Variants in SLC16A9 observed in about 807,000 individuals in gnomAD.
SLC16A9 encodes the protein solute carrier family 16 member 9, also known as monocarboxylate transporter 9.
Under a neutral mutation model 44.3 loss-of-function variants are expected in SLC16A9, and 26 were observed. That is an observed-to-expected ratio of 0.59 (90% CI 0.43 to 0.81). The LOEUF is 0.81. Among genes scored for constraint, SLC16A9 ranks in the 40% least tolerant of loss-of-function variants. The pLI, the probability that SLC16A9 is intolerant of heterozygous loss-of-function variation, is 0.00. For synonymous variants in SLC16A9, 230 were observed against 225.1 expected (o/e 1.02, Z -0.19); for missense variants, 559 against 595.8 (o/e 0.94, Z 0.64).
At chr10:59,685,373 G>C (rs11006689) in intron 1 of SLC16A9, among the ~76,000 whole-genome samples, 2 of 152,134 alleles carry the variant, frequency 1.3e-5, no homozygotes, top group African/African-American at 4.8e-5. Context: ...TCCCATCTAA[G>C]CCTTATCTCC....
chr10:59,681,623 TG>T lies in SLC16A9; in HGVS notation c.196+2472del, dbSNP rs1458534147. Among the ~76,000 whole-genome samples the T allele has an allele frequency of 3.8e-4, 26 of 68,008 alleles. 7 individuals carry two copies. Among genetic ancestry groups the T allele is most frequent in the African/African-American group, 1.4e-3 (25 of 17,748 alleles). The allele number at this position is 68,008 out of a possible 152,430, so 44.6% of individuals were successfully genotyped here. ...ATGTATATGTATATGTATATGTATA[TG>T]ATGTATATGTATATGTGTATGTGTA... On this transcript the variant is annotated intron_variant, in intron 2 of 5. Coordinates refer to ENST00000395348, the MANE Select transcript of SLC16A9 (RefSeq NM_194298.3).
chr10:59,682,495 C>CT (rs2132487835), intron 2 of SLC16A9, among the ~76,000 whole-genome samples: 1 of 152,214 alleles, frequency 6.6e-6, no homozygotes, highest in East Asian at 1.9e-4. Context: ...AATGCCCATC[C>CT]TTAAGGAGAT....
chr10:59,665,067 A>G (rs539383303), intron 3 of SLC16A9, among the ~76,000 whole-genome samples: 1 of 152,316 alleles, frequency 6.6e-6, no homozygotes, highest in South Asian at 2.1e-4. Context: ...AAAAAGTTAC[A>G]ACTAAATTTC....
intron 1 of SLC16A9, among the ~76,000 whole-genome samples, chr10:59,698,690 T>A (rs1215153632): frequency 6.6e-6 from 1 of 151,470 alleles, no homozygotes; most frequent in Admixed American, 6.6e-5. Flanking sequence ...ATTCTTTGTG[T>A]CCAAGCCACA....
intron 2 of SLC16A9, among the ~76,000 whole-genome samples, chr10:59,675,695 A>G (rs1271740750): frequency 6.6e-6 from 1 of 152,194 alleles, no homozygotes; most frequent in African/African-American, 2.4e-5. Flanking sequence ...CCTACGGAGC[A>G]TGAGCACAGC....
At position 59,652,746 on chromosome 10, in the gene SLC16A9, C is replaced by G. The variant is rs1008646779; in HGVS notation, c.*26G>C. The G allele has an allele frequency of 8.9e-6, 14 of 1,581,306 alleles. No individual in the cohort carries two copies. The Admixed American group carries it at 2.1e-4, about 23-fold the overall frequency. ...ATCGTTGCTATATGGTATAAAATAG[C>G]AAAAATAGTGTCTTCCAATATTCTT... On this transcript the variant is annotated 3_prime_UTR_variant, in exon 6 of 6. Transcript: ENST00000395348.
intron 1 of SLC16A9, among the ~76,000 whole-genome samples, chr10:59,696,514 C>A (rs1417989929): frequency 6.6e-6 from 1 of 152,174 alleles, no homozygotes; most frequent in Non-Finnish European, 1.5e-5. Flanking sequence ...GCAGCCTCTG[C>A]CCGGCCGCCA....
intron 2 of SLC16A9, among the ~76,000 whole-genome samples, chr10:59,677,508 T>A (rs1427638687): frequency 6.6e-6 from 1 of 152,090 alleles, no homozygotes; most frequent in Non-Finnish European, 1.5e-5. Flanking sequence ...TCTCATATCA[T>A]GTTAGAAAAG....
At chr10:59,704,488 T>C (rs1840597133) in intron 1 of SLC16A9, among the ~76,000 whole-genome samples, 1 of 152,228 alleles carries the variant, frequency 6.6e-6, no homozygotes, top group African/African-American at 2.4e-5. Context: ...AGTCATCTAT[T>C]TCTAAGTCCT....
intron 4 of SLC16A9, among the ~76,000 whole-genome samples, chr10:59,659,286 T>C (rs149513836): frequency 6.6e-6 from 1 of 152,204 alleles, no homozygotes; most frequent in Non-Finnish European, 1.5e-5. Context: ...TTAGAAAAAT[T>C]GTAAGTTCCA....
chr10:59,664,392 C>G (rs1554868270), intron 3 of SLC16A9, 70 bp from the exon 4 acceptor site: 12 of 1,024,172 alleles, frequency 1.2e-5, no homozygotes, highest in Non-Finnish European at 1.6e-5. Flanking sequence ...AAAGGAAAAA[C>G]AAGTATGTCC....
intron 4 of SLC16A9, among the ~76,000 whole-genome samples, chr10:59,656,138 G>A (rs2132401575): frequency 6.6e-6 from 1 of 152,256 alleles, no homozygotes; most frequent in Non-Finnish European, 1.5e-5. Context: ...GCTAACTACT[G>A]AGAAGTAATA....
intron 1 of SLC16A9, among the ~76,000 whole-genome samples, chr10:59,703,406 A>C (rs956220627): frequency 6.6e-6 from 1 of 152,212 alleles, no homozygotes; most frequent in Non-Finnish European, 1.5e-5. Flanking sequence ...GAATTTTATC[A>C]ATAGTGCGGC....
intron 4 of SLC16A9, among the ~76,000 whole-genome samples, chr10:59,657,289 T>C (rs1184774414): frequency 2.6e-5 from 4 of 152,250 alleles, no homozygotes; most frequent in Non-Finnish European, 5.9e-5. Flanking sequence ...ATTTGGCCCA[T>C]AGGCATTTGT....
intron 1 of SLC16A9, among the ~76,000 whole-genome samples, chr10:59,709,151 G>C (rs1259688666): frequency 6.6e-6 from 1 of 152,146 alleles, no homozygotes; most frequent in Non-Finnish European, 1.5e-5. Flanking sequence ...GCTCTCTGGA[G>C]TCCAGAGGCA....
At chr10:59,665,173 AC>A (rs1401228610) in intron 3 of SLC16A9, among the ~76,000 whole-genome samples, 2 of 152,044 alleles carry the variant, frequency 1.3e-5, no homozygotes, top group African/African-American at 4.8e-5. Flanking sequence ...GAATCTGACA[AC>A]CCCAGTTTGT....
intron 3 of SLC16A9, among the ~76,000 whole-genome samples, chr10:59,672,089 C>A (rs1373013091): frequency 6.6e-6 from 1 of 152,036 alleles, no homozygotes; most frequent in Non-Finnish European, 1.5e-5. Context: ...AAGTCCCTAC[C>A]AACAGTCCCT....
At chr10:59,685,136 A>T (rs1293556349) in intron 1 of SLC16A9, among the ~76,000 whole-genome samples, 16 of 152,222 alleles carry the variant, frequency 1.1e-4, no homozygotes, top group Non-Finnish European at 1.5e-4. Flanking sequence ...ATAAAAAAGT[A>T]GTATATTATA....
intron 1 of SLC16A9, among the ~76,000 whole-genome samples, chr10:59,692,948 A>G (rs1263848992): frequency 2.0e-5 from 3 of 152,248 alleles, no homozygotes; most frequent in African/African-American, 7.2e-5. Flanking sequence ...AACAAACTGA[A>G]GCTCCCAATT....
Sources: gnomAD v4.1 joint callset for allele counts (sites outside exome capture counted in the v4.1 genomes callset) on GRCh38, gnomAD v4.1.1 for gene constraint, MANE v1.5 for transcripts, NCBI Gene and HGNC (gene_info 2026-07-23, HGNC 2026-07-21) for gene names.